The following TENM3 variants were observed in gnomAD, a reference collection of about 807,000 sequenced individuals.
The protein encoded by TENM3 is teneurin-3.
Under a neutral mutation model 255.1 loss-of-function variants are expected in TENM3, and 63 were observed. The observed-to-expected ratio is 0.25, with a 90% CI of 0.20 to 0.30. The LOEUF is 0.30. Ranked by LOEUF, TENM3 falls within the 10% of genes least tolerant of loss-of-function variation. The pLI, the probability that TENM3 is intolerant of heterozygous loss-of-function variation, is 1.00. For synonymous variants in TENM3, 1,306 were observed against 1,322.3 expected (o/e 0.99, Z 0.27); for missense variants, 2,929 against 3,461.1 (o/e 0.85, Z 3.86).
At chr4:181,763,360 A>G in the TENM3 span, among the ~76,000 whole-genome samples, 1 of 152,286 alleles carries the variant, frequency 6.6e-6, no homozygotes, top group Non-Finnish European at 1.5e-5. Context: ...CATCATATTT[A>G]TCAAATACCC....
the TENM3 span, among the ~76,000 whole-genome samples, chr4:181,709,152 TAATC>T: frequency 1.0e-3 from 159 of 152,354 alleles, no homozygotes; most frequent in African/African-American, 3.7e-3. Flanking sequence ...CACTACATAT[TAATC>T]AATCTAAATT....
At chr4:182,107,216 T>A in the TENM3 span, among the ~76,000 whole-genome samples, 1 of 151,708 alleles carries the variant, frequency 6.6e-6, no homozygotes, top group South Asian at 2.1e-4. Flanking sequence ...TACTTACAGA[T>A]AAACAGCAAG....
intron 3 of TENM3, among the ~76,000 whole-genome samples, chr4:182,531,939 G>T (rs1426102745): frequency 1.3e-5 from 2 of 152,182 alleles, no homozygotes; most frequent in African/African-American, 4.8e-5. Context: ...TGGGTTCCCA[G>T]ACACCAGCCA....
At chr4:182,603,222 C>T (rs528847367) in intron 4 of TENM3, among the ~76,000 whole-genome samples, 3 of 152,212 alleles carry the variant, frequency 2.0e-5, no homozygotes, top group South Asian at 4.2e-4. Context: ...AAATCACTCC[C>T]ATGGTGAGTA....
chr4:181,952,125 A>G, the TENM3 span, among the ~76,000 whole-genome samples: 2 of 152,250 alleles, frequency 1.3e-5, no homozygotes, highest in African/African-American at 4.8e-5. Flanking sequence ...TCATAAAAGT[A>G]ATTAGGGATG....
intron 2 of TENM3, among the ~76,000 whole-genome samples, chr4:182,327,557 A>G (rs1426537166): frequency 6.6e-6 from 1 of 152,198 alleles, no homozygotes; most frequent in Non-Finnish European, 1.5e-5. Context: ...GCAGGTGACT[A>G]CTGTTAATTA....
the TENM3 span, among the ~76,000 whole-genome samples, chr4:181,489,313 A>G: frequency 6.6e-6 from 1 of 152,310 alleles, no homozygotes; most frequent in East Asian, 1.9e-4. Flanking sequence ...AAGCCCTAGA[A>G]TAAGCTACTT....
At chr4:181,812,260 A>T in the TENM3 span, among the ~76,000 whole-genome samples, 1 of 152,202 alleles carries the variant, frequency 6.6e-6, no homozygotes, top group South Asian at 2.1e-4. Flanking sequence ...CTCGAGTAAC[A>T]CTAACTAAAC....
chr4:181,508,974 A>G, the TENM3 span, among the ~76,000 whole-genome samples: 1 of 143,036 alleles, frequency 7.0e-6, no homozygotes, highest in African/African-American at 2.6e-5. Flanking sequence ...ATTGAGCAGC[A>G]CGTACAGGCA....
chr4:182,286,000 C>T (rs944801192), intron 1 of TENM3, among the ~76,000 whole-genome samples: 2 of 152,156 alleles, frequency 1.3e-5, no homozygotes, highest in African/African-American at 4.8e-5. Flanking sequence ...CTTTGCTGGG[C>T]GTCCCCACAG....
intron 5 of TENM3, among the ~76,000 whole-genome samples, chr4:182,648,824 C>T (rs1315743233): frequency 1.3e-5 from 2 of 152,098 alleles, no homozygotes; most frequent in Non-Finnish European, 2.9e-5. Flanking sequence ...ATACAGTATT[C>T]CCTTTTTTGT....
rs749563531 is a variant in TENM3 at position 182,503,521 on chromosome 4, C to A, written c.512-97403C>A. On this transcript the variant is annotated intron_variant, in intron 3 of 27. Transcript: ENST00000511685. ...ACTCATTTTTTTCTGCCCCAAGTAA[C>A]AATCCCCAAATCTGAAGAATTTGTA... 2.0e-5 allele frequency among the ~76,000 whole-genome samples: 3 copies of A among 152,264 alleles called. No individual in the cohort carries two copies. In the South Asian group the frequency reaches 6.2e-4, roughly 32 times the overall value.
the TENM3 span, among the ~76,000 whole-genome samples, chr4:182,024,792 A>AT: frequency 1.3e-5 from 2 of 151,848 alleles, no homozygotes; most frequent in Non-Finnish European, 2.9e-5. Context: ...CTTTCGAATG[A>AT]TTTTTTTGCC....
At chr4:182,794,868 C>T (rs1249026614) in intron 26 of TENM3, among the ~76,000 whole-genome samples, 5 of 152,176 alleles carry the variant, frequency 3.3e-5, no homozygotes, top group African/African-American at 1.2e-4. Flanking sequence ...CTGCTCCTAC[C>T]TTCCATTCCT....
chr4:182,581,265 A>G (rs986094840), intron 3 of TENM3, among the ~76,000 whole-genome samples: 1 of 152,200 alleles, frequency 6.6e-6, no homozygotes, highest in Non-Finnish European at 1.5e-5. Context: ...AGTGGTGTGT[A>G]TGATCAAAGT....
At chr4:181,648,697 A>G in the TENM3 span, among the ~76,000 whole-genome samples, 1 of 152,190 alleles carries the variant, frequency 6.6e-6, no homozygotes, top group African/African-American at 2.4e-5. Flanking sequence ...TATATCCTGT[A>G]CTAGCCACCC....
the TENM3 span, among the ~76,000 whole-genome samples, chr4:181,795,481 A>G: frequency 6.6e-6 from 1 of 152,090 alleles, no homozygotes; most frequent in Non-Finnish European, 1.5e-5. Context: ...TTGGGCTTCA[A>G]TATATGAATT....
intron 3 of TENM3, among the ~76,000 whole-genome samples, chr4:182,421,233 T>G (rs1463923351): frequency 3.9e-5 from 6 of 152,124 alleles, no homozygotes; most frequent in Non-Finnish European, 1.5e-5. Context: ...CCCTTTATTA[T>G]CTCACCTTCT....
At chr4:182,540,280 G>A (rs1349898986) in intron 3 of TENM3, among the ~76,000 whole-genome samples, 7 of 152,088 alleles carry the variant, frequency 4.6e-5, no homozygotes, top group African/African-American at 1.7e-4. Context: ...CAGAGTATTC[G>A]TTTCCACCAG....
Sources: gnomAD v4.1 joint callset for allele counts (sites outside exome capture counted in the v4.1 genomes callset) on GRCh38, gnomAD v4.1.1 for gene constraint, MANE v1.5 for transcripts, NCBI Gene and HGNC (gene_info 2026-07-23, HGNC 2026-07-21) for gene names.